Variants in ADAM12 observed in about 807,000 individuals in gnomAD.
ADAM12 encodes the protein disintegrin and metalloproteinase domain-containing protein 12.
In ADAM12, 70 loss-of-function variants were observed where a neutral mutation model predicts 106.4. The observed-to-expected ratio is 0.66, with a 90% CI of 0.54 to 0.80. The LOEUF (loss-of-function observed/expected upper bound fraction) is 0.80, where lower values mean the gene tolerates loss of function less well. Ranked by LOEUF, ADAM12 falls within the 30% of genes least tolerant of loss-of-function variation. The pLI, the probability that ADAM12 is intolerant of heterozygous loss-of-function variation, is 0.00. For missense variants in ADAM12, 1,010 were observed against 1,171.9 expected, an observed-to-expected ratio of 0.86 and a Z score of 2.02; for synonymous variants, 420 against 433.5, an observed-to-expected ratio of 0.97 and a Z score of 0.39.
chr10:126,128,721 T>TGCGA (rs1956248897), intron 5 of ADAM12, among the ~76,000 whole-genome samples: 1 of 136,228 alleles, frequency 7.3e-6, no homozygotes, highest in Non-Finnish European at 1.5e-5. Context: ...TGGGCGCCTG[T>TGCGA]GCGAGTGTGT....
At chr10:126,084,289 A>C (rs1955292419) in intron 11 of ADAM12, among the ~76,000 whole-genome samples, 2 of 152,180 alleles carry the variant, frequency 1.3e-5, no homozygotes, top group South Asian at 4.1e-4. Flanking sequence ...TTCTTCCTGC[A>C]CCAAGTCCTG....
intron 11 of ADAM12, among the ~76,000 whole-genome samples, chr10:126,083,212 T>G (rs935337721): frequency 6.6e-6 from 1 of 152,244 alleles, no homozygotes; most frequent in African/African-American, 2.4e-5. Flanking sequence ...ATTCTCTCAC[T>G]GACACCTCTG....
At chr10:126,074,719 T>C (rs951486580) in intron 11 of ADAM12, among the ~76,000 whole-genome samples, 4 of 152,156 alleles carry the variant, frequency 2.6e-5, no homozygotes, top group African/African-American at 9.7e-5. Context: ...AATTCACGGG[T>C]TTTCAACCTT....
intron 2 of ADAM12, among the ~76,000 whole-genome samples, chr10:126,283,907 T>C (rs1240944199): frequency 2.0e-5 from 3 of 152,236 alleles, no homozygotes; most frequent in South Asian, 4.1e-4. Flanking sequence ...ATCTTCTAAA[T>C]GTTTCATAAT....
At chr10:126,234,112 C>T (rs552551778) in intron 3 of ADAM12, among the ~76,000 whole-genome samples, 10 of 152,130 alleles carry the variant, frequency 6.6e-5, no homozygotes, top group African/African-American at 2.4e-4. Flanking sequence ...AGCTCATGGA[C>T]AGGCACACCA....
At chr10:126,241,961 GCT>G (rs1491136207) in intron 3 of ADAM12, among the ~76,000 whole-genome samples, 1 of 145,480 alleles carries the variant, frequency 6.9e-6, no homozygotes, top group Non-Finnish European at 1.5e-5. Flanking sequence ...GTAAAACAGA[GCT>G]TTTTTTTTTT....
At chr10:126,209,236 A>G (rs1016771341) in intron 3 of ADAM12, among the ~76,000 whole-genome samples, 15 of 152,238 alleles carry the variant, frequency 9.9e-5, no homozygotes, top group Non-Finnish European at 2.1e-4. Flanking sequence ...GAAAAGGGGT[A>G]AAAAGCTAAT....
At chr10:126,255,337 A>G (rs1229231254) in intron 3 of ADAM12, among the ~76,000 whole-genome samples, 2 of 152,134 alleles carry the variant, frequency 1.3e-5, no homozygotes, top group Non-Finnish European at 2.9e-5. Flanking sequence ...TTGTACCTCA[A>G]AAAGAAGCCT....
chr10:126,095,837 TA>T (rs1179920273), intron 10 of ADAM12, among the ~76,000 whole-genome samples: 2 of 152,186 alleles, frequency 1.3e-5, no homozygotes, highest in Admixed American at 1.3e-4. Context: ...CCTTTCTTTA[TA>T]AATTATCCAG....
intron 1 of ADAM12, among the ~76,000 whole-genome samples, chr10:126,352,421 TTTAAGATAAA>T (rs1247780037): frequency 6.6e-6 from 1 of 152,208 alleles, no homozygotes; most frequent in Non-Finnish European, 1.5e-5. Context: ...TGACTTAAAG[TTTAAGATAAA>T]TTAAGAAAAA....
chr10:126,254,429 G>A (rs955557518), intron 3 of ADAM12, among the ~76,000 whole-genome samples: 1 of 152,206 alleles, frequency 6.6e-6, no homozygotes, highest in African/African-American at 2.4e-5. Context: ...GGAAGAACCT[G>A]CGGTCTGGTC....
chr10:126,068,883 T>C (rs1954927206), intron 12 of ADAM12, among the ~76,000 whole-genome samples: 1 of 152,242 alleles, frequency 6.6e-6, no homozygotes, highest in Non-Finnish European at 1.5e-5. Context: ...ACACAGATTC[T>C]TAATCACAAT....
chr10:126,259,295 C>A (rs147686758), intron 3 of ADAM12, among the ~76,000 whole-genome samples: 3 of 152,104 alleles, frequency 2.0e-5, no homozygotes, highest in African/African-American at 4.8e-5. Flanking sequence ...GATATCCAAG[C>A]AAATGTGATA....
intron 2 of ADAM12, among the ~76,000 whole-genome samples, chr10:126,286,512 C>CCGGCA (rs1336168845): frequency 2.0e-5 from 3 of 152,174 alleles, no homozygotes; most frequent in Non-Finnish European, 4.4e-5. Context: ...AGATCCCTCT[C>CCGGCA]CGGCACTAAA....
chr10:126,279,969 C>T (rs963780887), intron 2 of ADAM12, among the ~76,000 whole-genome samples: 21 of 152,162 alleles, frequency 1.4e-4, no homozygotes, highest in African/African-American at 4.8e-4. Flanking sequence ...CTTGTATGAA[C>T]GCATGAGAAT....
chr10:126,102,170 C>T (rs1955681454), intron 8 of ADAM12, among the ~76,000 whole-genome samples: 1 of 152,086 alleles, frequency 6.6e-6, no homozygotes, highest in Admixed American at 6.5e-5. Flanking sequence ...ATGACCTACC[C>T]ATTGTCCTCA....
chr10:126,164,438 T>C (rs1956990047), intron 3 of ADAM12, among the ~76,000 whole-genome samples: 1 of 152,244 alleles, frequency 6.6e-6, no homozygotes, highest in South Asian at 2.1e-4. Flanking sequence ...CTTTATCATG[T>C]CATCATTCCA....
intron 3 of ADAM12, among the ~76,000 whole-genome samples, chr10:126,244,690 T>C (rs1166765854): frequency 6.6e-6 from 1 of 152,170 alleles, no homozygotes; most frequent in Non-Finnish European, 1.5e-5. Flanking sequence ...CTCAGGGAGC[T>C]CATGCACCAT....
At chr10:126,336,715 A>G (rs1854712256) in intron 1 of ADAM12, among the ~76,000 whole-genome samples, 1 of 152,228 alleles carries the variant, frequency 6.6e-6, no homozygotes, top group South Asian at 2.1e-4. Flanking sequence ...GGTGACACCA[A>G]GTGACACACA....
Sources: allele counts gnomAD v4.1 joint callset (sites outside exome capture counted in the v4.1 genomes callset), GRCh38; gene constraint gnomAD v4.1.1; transcripts MANE v1.5; gene names NCBI Gene and HGNC (gene_info 2026-07-23, HGNC 2026-07-21).